LUZP2: variants seen among roughly 807,000 people sequenced by gnomAD.
LUZP2 encodes leucine zipper protein 2.
LUZP2 carries 52 observed loss-of-function variants against 51.6 expected under a neutral mutation model. That is an observed-to-expected ratio of 1.01 (90% confidence interval 0.81 to 1.27). The LOEUF is 1.27. Ranked by LOEUF, LUZP2 falls within the 50% of genes most tolerant of loss-of-function variation. The probability of loss-of-function intolerance (pLI) is 0.00; values close to 1 mark genes in which losing one functional copy is unlikely to be tolerated. For missense variants in LUZP2, 436 were observed against 395.4 expected, an observed-to-expected ratio of 1.10 and a Z score of -0.87; for synonymous variants, 154 against 137.3, an observed-to-expected ratio of 1.12 and a Z score of -0.85.
chr11:24,763,293 A>C lies in LUZP2; in HGVS notation c.381A>C (p.Arg127=), dbSNP rs1306547974. The C allele has an allele frequency of 7.2e-7, 1 of 1,385,670 alleles. No individual in the cohort carries two copies. The highest frequency in any genetic ancestry group is 1.5e-5 in the African/African-American group (1 of 66,590). 85.8% of individuals were successfully genotyped at this position (1,385,670 alleles called of 1,614,324 possible). A position where few individuals can be genotyped will look rare whatever the true frequency, so the allele number is the denominator to read the frequency against. The change falls in exon 5 of 12, where the codon CGA becomes CGC. Residue 127 remains arginine (R), a synonymous_variant. Transcript: ENST00000336930. Reference sequence around the variant, plus strand: ...TTGAAAGAAAGAGCAAAATGATCCGAGACCTCCAGAATGAGGTAAGATATA... The same window carrying C: ...TTGAAAGAAAGAGCAAAATGATCCGCGACCTCCAGAATGAGGTAAGATATA... ...TEVERKSKMI[R]DLQNENKSLK... is the part of the protein sequence containing the mutation.
Position 24,675,811 on chromosome 11 carries a change from A to ATTTATTTG in LUZP2, c.63-53351_63-53350insGTTTATTT, listed in dbSNP as rs1554971926. ...TTTATATTTATTTATTTATTTATTT[A>ATTTATTTG]TTTATTTATTTATTTATTTATTTTT... On this transcript the variant is annotated intron_variant, in intron 1 of 11. Coordinates refer to ENST00000336930, the MANE Select transcript of LUZP2 (RefSeq NM_001009909.4). Among the ~76,000 whole-genome samples the ATTTATTTG allele has an allele frequency of 9.5e-3, 1,397 of 147,818 alleles. 22 individuals are homozygous for ATTTATTTG. The highest frequency in any genetic ancestry group is 0.033 in the African/African-American group (1,321 of 40,294).
At chr11:24,629,684 G>A (rs141754191) in intron 1 of LUZP2, among the ~76,000 whole-genome samples, 25 of 151,268 alleles carry the variant, frequency 1.7e-4, no homozygotes, top group Non-Finnish European at 4.4e-5. Context: ...TTGATAAAAT[G>A]ATTTATTTTC....
chr11:25,056,975 C>G (rs1041342359), intron 10 of LUZP2, among the ~76,000 whole-genome samples: 1 of 152,064 alleles, frequency 6.6e-6, no homozygotes, highest in African/African-American at 2.4e-5. Flanking sequence ...TGGCAGGCGC[C>G]TGTAATCCCA....
Position 24,926,340 on chromosome 11 carries a change from C to T in LUZP2, c.522+11802C>T, listed in dbSNP as rs868111125. 1.0e-3 allele frequency among the ~76,000 whole-genome samples: 41 copies of T among 40,950 alleles called. 5 individuals carry two copies. Among genetic ancestry groups the T allele is most frequent in the Admixed American group, 2.3e-3 (9 of 3,964 alleles). The allele number at this position is 40,950 out of a possible 152,430, so 26.9% of individuals were successfully genotyped here. A position where few individuals can be genotyped will look rare whatever the true frequency, so the allele number is the denominator to read the frequency against. ...ATATACGTGTGTGTATATATATATA[C>T]GTGTGTATATATATACGTGTGTATA... On this transcript the variant is annotated intron_variant, in intron 7 of 11. Coordinates refer to ENST00000336930, the MANE Select transcript of LUZP2 (RefSeq NM_001009909.4).
intron 1 of LUZP2, among the ~76,000 whole-genome samples, chr11:24,648,593 A>T (rs1423031350): frequency 6.6e-6 from 1 of 151,912 alleles, no homozygotes; most frequent in East Asian, 1.9e-4. Flanking sequence ...CCAAAGTACA[A>T]ATGGAACCAT....
At chr11:24,899,536 A>T (rs535245481) in intron 5 of LUZP2, among the ~76,000 whole-genome samples, 5 of 152,144 alleles carry the variant, frequency 3.3e-5, no homozygotes, top group Non-Finnish European at 7.4e-5. Context: ...ATATACAATC[A>T]AATTATACTT....
At chr11:24,902,591 G>A (rs1160341829) in intron 5 of LUZP2, among the ~76,000 whole-genome samples, 1 of 152,124 alleles carries the variant, frequency 6.6e-6, no homozygotes, top group Non-Finnish European at 1.5e-5. Context: ...AAACTTGACA[G>A]ACAGATCCTG....
At chr11:24,960,910 T>C (rs570964782) in intron 7 of LUZP2, among the ~76,000 whole-genome samples, 1 of 152,334 alleles carries the variant, frequency 6.6e-6, no homozygotes, top group African/African-American at 2.4e-5. Context: ...CTCTACAGAC[T>C]GCTTTGAATG....
chr11:24,687,244 C>T (rs1478620413), intron 1 of LUZP2, among the ~76,000 whole-genome samples: 1 of 2,752 alleles, frequency 3.6e-4, no homozygotes, highest in East Asian at 0.011. Context: ...CCTTGTGTGA[C>T]AAAATAAAAA....
At chr11:24,524,519 A>G (rs1411506467) in intron 1 of LUZP2, among the ~76,000 whole-genome samples, 2 of 151,750 alleles carry the variant, frequency 1.3e-5, no homozygotes, top group Non-Finnish European at 3.0e-5. Context: ...TTAGGTAATG[A>G]CAAACCTTTC....
intron 5 of LUZP2, among the ~76,000 whole-genome samples, chr11:24,835,303 C>G (rs1201524806): frequency 6.6e-6 from 1 of 151,960 alleles, no homozygotes; most frequent in Non-Finnish European, 1.5e-5. Flanking sequence ...TATACAAAAA[C>G]TAACTCAAGA....
intron 1 of LUZP2, among the ~76,000 whole-genome samples, chr11:24,544,747 T>C (rs1434774943): frequency 6.6e-6 from 1 of 151,986 alleles, no homozygotes; most frequent in African/African-American, 2.4e-5. Flanking sequence ...TAAGCACTAT[T>C]TGCCTGCATG....
At chr11:24,903,677 T>C (rs977827032) in intron 5 of LUZP2, among the ~76,000 whole-genome samples, 1 of 152,202 alleles carries the variant, frequency 6.6e-6, no homozygotes, top group Non-Finnish European at 1.5e-5. Flanking sequence ...TGTGTTTTGG[T>C]TATCTGCTCT....
At chr11:24,763,023 A>G (rs1860038262) in intron 4 of LUZP2, 9 of 736,696 alleles carry the variant, frequency 1.2e-5, no homozygotes, top group Non-Finnish European at 1.5e-5. Context: ...TAAAAAAAAA[A>G]TAATAAATAG....
At chr11:24,882,818 G>GGAAGGGAGGAAGAGAT (rs1366223120) in intron 5 of LUZP2, among the ~76,000 whole-genome samples, 2 of 150,760 alleles carry the variant, frequency 1.3e-5, no homozygotes, top group East Asian at 1.9e-4. Flanking sequence ...GAAGAAGGGA[G>GGAAGGGAGGAAGAGAT]GGAGGGAGGG....
At chr11:24,764,422 G>A (rs1860102359) in intron 5 of LUZP2, among the ~76,000 whole-genome samples, 1 of 150,134 alleles carries the variant, frequency 6.7e-6, no homozygotes, top group African/African-American at 2.5e-5. Context: ...TAGGGAGGCT[G>A]AGGTGGGAGG....
rs1851203045 is a variant in LUZP2 at position 24,537,200 on chromosome 11, C to T, written c.62+39895C>T. 2.0e-5 allele frequency among the ~76,000 whole-genome samples: 3 copies of T among 151,820 alleles called. No homozygotes were observed. The South Asian group carries it at 6.2e-4, about 31-fold the overall frequency. ...AGAATTAACCAAAGTGTGACACAAACAGAAGTGAGCCTATACTGTTAGTAA... is the reference window on the plus strand; with the variant it reads ...AGAATTAACCAAAGTGTGACACAAATAGAAGTGAGCCTATACTGTTAGTAA... On this transcript the variant is annotated intron_variant, in intron 1 of 11. Transcript: ENST00000336930.
intron 5 of LUZP2, among the ~76,000 whole-genome samples, chr11:24,855,912 A>AGAAAAAT (rs1442175437): frequency 2.6e-5 from 4 of 152,172 alleles, no homozygotes; most frequent in African/African-American, 9.6e-5. Context: ...TGTCATATGC[A>AGAAAAAT]GAAAAATGAA....
At chr11:24,993,751 T>G (rs1474876469) in intron 9 of LUZP2, among the ~76,000 whole-genome samples, 9 of 152,296 alleles carry the variant, frequency 5.9e-5, no homozygotes, top group African/African-American at 2.2e-4. Context: ...TGCAAATATT[T>G]TCTTCCATTC....
Sources: allele counts gnomAD v4.1 joint callset (sites outside exome capture counted in the v4.1 genomes callset), GRCh38; gene constraint gnomAD v4.1.1; transcripts MANE v1.5; gene names NCBI Gene and HGNC (gene_info 2026-07-23, HGNC 2026-07-21).